The following WARS2 variants were observed in gnomAD, a reference collection of about 807,000 sequenced individuals.
WARS2 encodes the protein tryptophan--tRNA ligase, mitochondrial.
A neutral mutation model predicts 36.5 loss-of-function variants in WARS2; 28 were observed. That is an observed-to-expected ratio of 0.77 (90% confidence interval 0.57 to 1.05). WARS2 has a LOEUF of 1.05. Ranked by LOEUF, WARS2 falls within the 50% of genes least tolerant of loss-of-function variation. WARS2 has a pLI of 0.00. For synonymous variants in WARS2, 174 were observed against 178.4 expected (o/e 0.98, Z 0.20); for missense variants, 435 against 456.8 (o/e 0.95, Z 0.44).
chr1:119,082,684 G>C (rs1557968295), intron 1 of WARS2: 1 of 152,972 alleles, frequency 6.5e-6, no homozygotes, highest in East Asian at 1.9e-4. Context: ...AGGGGAAAGT[G>C]TACCATGGAG....
At chr1:119,067,226 T>C (rs1650953186) in intron 2 of WARS2, among the ~76,000 whole-genome samples, 2 of 152,210 alleles carry the variant, frequency 1.3e-5, no homozygotes, top group Non-Finnish European at 2.9e-5. Flanking sequence ...CTATATTATA[T>C]GCAATACAAA....
intron 3 of WARS2, 68 bp from the exon 4 acceptor site, chr1:119,042,417 G>A: frequency 6.9e-7 from 1 of 1,448,528 alleles, no homozygotes; most frequent in South Asian, 1.2e-5. Context: ...TATACTGCTA[G>A]ATTAAGAAAA....
intron 1 of WARS2, among the ~76,000 whole-genome samples, chr1:119,096,796 T>G (rs1328486174): frequency 1.3e-5 from 2 of 152,166 alleles, no homozygotes; most frequent in Non-Finnish European, 2.9e-5. Context: ...ATTTAAAAAA[T>G]CAAATAGCGC....
intron 1 of WARS2, among the ~76,000 whole-genome samples, chr1:119,083,035 C>G (rs1652326304): frequency 6.6e-6 from 1 of 152,100 alleles, no homozygotes; most frequent in Non-Finnish European, 1.5e-5. Context: ...TTGAGACCAA[C>G]CTGGCCAAAA....
chr1:119,056,085 C>A (rs1649774149), intron 2 of WARS2, among the ~76,000 whole-genome samples: 2 of 150,744 alleles, frequency 1.3e-5, no homozygotes, highest in South Asian at 4.2e-4. Flanking sequence ...GTGGTGTGAC[C>A]TTGGCTCACT....
At chr1:119,117,327 T>C (rs1571383620) in intron 1 of WARS2, among the ~76,000 whole-genome samples, 1 of 152,140 alleles carries the variant, frequency 6.6e-6, no homozygotes, top group South Asian at 2.1e-4. Flanking sequence ...ACCCACCTGA[T>C]GGTTTGTCTC....
chr1:119,128,462 A>G (rs1655842663), intron 1 of WARS2, among the ~76,000 whole-genome samples: 1 of 152,032 alleles, frequency 6.6e-6, no homozygotes, highest in African/African-American at 2.4e-5. Flanking sequence ...CTACACTCTA[A>G]TGATTCTTCT....
At chr1:119,139,942 G>T (rs961088335) in intron 1 of WARS2, 4 of 152,112 alleles carry the variant, frequency 2.6e-5, no homozygotes, top group African/African-American at 7.2e-5. Context: ...GAGATTAATG[G>T]TAACAGCAGT....
chr1:119,045,777 T>A, intron 2 of WARS2, 115 bp from the exon 3 acceptor site: 1 of 835,158 alleles, frequency 1.2e-6, no homozygotes, highest in Non-Finnish European at 1.9e-6. Flanking sequence ...TTAAGGTTAT[T>A]ATAAGAACAG....
chr1:119,129,174 G>A (rs939070545), intron 1 of WARS2, among the ~76,000 whole-genome samples: 7 of 152,152 alleles, frequency 4.6e-5, no homozygotes, highest in Admixed American at 3.3e-4. Context: ...CAATGTAATG[G>A]CATTAGGAGG....
At chr1:119,129,800 A>C (rs9428162) in intron 1 of WARS2, among the ~76,000 whole-genome samples, 76,869 of 152,022 alleles carry the variant, frequency 0.51, 20,578 homozygotes, top group East Asian at 0.84. Context: ...AGGTTTTATT[A>C]AACATGTAAT....
At chr1:119,091,731 G>A (rs1399388280) in intron 1 of WARS2, among the ~76,000 whole-genome samples, 3 of 152,162 alleles carry the variant, frequency 2.0e-5, no homozygotes, top group Non-Finnish European at 2.9e-5. Flanking sequence ...AAACACAGGT[G>A]GTGAGAGAGA....
intron 1 of WARS2, among the ~76,000 whole-genome samples, chr1:119,110,254 T>C (rs1248120719): frequency 6.6e-6 from 1 of 152,048 alleles, no homozygotes; most frequent in Non-Finnish European, 1.5e-5. Flanking sequence ...AGCTCCAAAT[T>C]TCAGACCTAT....
intron 1 of WARS2, among the ~76,000 whole-genome samples, chr1:119,131,451 G>GTTT (rs1433121541): frequency 1.6e-5 from 2 of 126,886 alleles, no homozygotes; most frequent in African/African-American, 3.4e-5. Flanking sequence ...ACTGTGCAAA[G>GTTT]TTTTTTGTTT....
intron 1 of WARS2, among the ~76,000 whole-genome samples, chr1:119,121,119 A>G (rs1410484515): frequency 6.6e-6 from 1 of 152,162 alleles, no homozygotes; most frequent in Non-Finnish European, 1.5e-5. Flanking sequence ...CTCTTTGGCA[A>G]TGATATGATC....
At chr1:119,085,293 G>T in intron 1 of WARS2, 1 of 1,089,370 alleles carries the variant, frequency 9.2e-7, no homozygotes, top group Non-Finnish European at 1.4e-6. Flanking sequence ...CCTGGCCTTG[G>T]GGAGCTTCCG....
chr1:119,041,338 AGGGGTTTGCAC>A (rs1457017817), intron 4 of WARS2, among the ~76,000 whole-genome samples: 1 of 152,128 alleles, frequency 6.6e-6, no homozygotes, highest in Middle Eastern at 3.2e-3. Flanking sequence ...GAGGCTGATG[AGGGGTTTGCAC>A]GGAAGAATTG....
chr1:119,140,257 G>A (rs1656852868), intron 1 of WARS2: 2 of 318,078 alleles, frequency 6.3e-6, no homozygotes, highest in Non-Finnish European at 5.8e-6. Flanking sequence ...TCACACGCGG[G>A]GTAGGCTCAC....
At chr1:119,109,041 C>T (rs1011841544) in intron 1 of WARS2, among the ~76,000 whole-genome samples, 1 of 151,900 alleles carries the variant, frequency 6.6e-6, no homozygotes, top group East Asian at 1.9e-4. Flanking sequence ...CTTTCTGTTA[C>T]TGACTACTAG....
Sources: allele counts gnomAD v4.1 joint callset (sites outside exome capture counted in the v4.1 genomes callset), GRCh38; gene constraint gnomAD v4.1.1; transcripts MANE v1.5; gene names NCBI Gene and HGNC (gene_info 2026-07-23, HGNC 2026-07-21).